Variants in SMG6 observed in about 807,000 individuals in gnomAD.
SMG6 encodes the protein SMG6 nonsense mediated mRNA decay factor.
A neutral mutation model predicts 142.2 loss-of-function variants in SMG6; 66 were observed. That is an observed-to-expected ratio of 0.46 (90% CI 0.38 to 0.57). The LOEUF is 0.57. SMG6 is among the 20% of genes least tolerant of loss of function. The pLI, the probability that SMG6 is intolerant of heterozygous loss-of-function variation, is 0.00. For missense variants in SMG6, 1,793 were observed against 1,832.0 expected, an observed-to-expected ratio of 0.98 and a Z score of 0.39; for synonymous variants, 779 against 702.4, an observed-to-expected ratio of 1.11 and a Z score of -1.72.
intron 13 of SMG6, among the ~76,000 whole-genome samples, chr17:2,133,569 A>G (rs913732410): frequency 6.6e-6 from 1 of 152,152 alleles, no homozygotes; most frequent in African/African-American, 2.4e-5. Context: ...CAGGGTCTCA[A>G]TATGTCACCC....
intron 13 of SMG6, among the ~76,000 whole-genome samples, chr17:2,153,959 T>G (rs1176230772): frequency 1.4e-4 from 16 of 115,834 alleles, no homozygotes; most frequent in South Asian, 3.0e-4. Flanking sequence ...TGACGGTGAC[T>G]GGGGAACCTG....
intron 10 of SMG6, among the ~76,000 whole-genome samples, chr17:2,190,713 G>T (rs1597562348): frequency 6.6e-6 from 1 of 151,430 alleles, no homozygotes; most frequent in Admixed American, 6.6e-5. Flanking sequence ...AAAGTGCTCA[G>T]CCACCTCCCA....
At chr17:2,150,376 G>C (rs920449085) in intron 13 of SMG6, among the ~76,000 whole-genome samples, 1 of 152,228 alleles carries the variant, frequency 6.6e-6, no homozygotes, top group Non-Finnish European at 1.5e-5. Flanking sequence ...CACCGGTCTA[G>C]AGTATCAAGG....
intron 13 of SMG6, among the ~76,000 whole-genome samples, chr17:2,140,775 T>C (rs138430659): frequency 2.4e-4 from 37 of 152,228 alleles, no homozygotes; most frequent in African/African-American, 7.9e-4. Context: ...AAAAAAGCCA[T>C]TGAAGCTGTC....
intron 13 of SMG6, chr17:2,087,300 T>C: frequency 8.0e-7 from 1 of 1,245,674 alleles, no homozygotes. Flanking sequence ...CCATGTTCTC[T>C]AAGACAGTGG....
At chr17:2,161,127 G>C (rs1220001190) in intron 13 of SMG6, among the ~76,000 whole-genome samples, 2 of 142,922 alleles carry the variant, frequency 1.4e-5, no homozygotes. Flanking sequence ...TTTTTTTAGA[G>C]ATGGAGTTTT....
intron 15 of SMG6, among the ~76,000 whole-genome samples, chr17:2,080,556 T>A (rs2068389206): frequency 6.6e-6 from 1 of 152,266 alleles, no homozygotes; most frequent in Non-Finnish European, 1.5e-5. Flanking sequence ...CCATGCACTA[T>A]GCTAAGTGCT....
intron 13 of SMG6, among the ~76,000 whole-genome samples, chr17:2,148,407 T>C (rs1183336559): frequency 6.6e-6 from 1 of 152,222 alleles, no homozygotes; most frequent in Non-Finnish European, 1.5e-5. Context: ...GATGTATGCA[T>C]ACAACAGAAT....
At chr17:2,295,482 G>A (rs568546219) in intron 4 of SMG6, among the ~76,000 whole-genome samples, 25 of 152,272 alleles carry the variant, frequency 1.6e-4, no homozygotes, top group African/African-American at 5.5e-4. Flanking sequence ...AATCTCTACT[G>A]CTTTATCTCT....
At chr17:2,208,083 C>T (rs746354040) in intron 10 of SMG6, among the ~76,000 whole-genome samples, 1 of 151,990 alleles carries the variant, frequency 6.6e-6, no homozygotes, top group Non-Finnish European at 1.5e-5. Flanking sequence ...GAGCAATGTT[C>T]GTGCCACCGC....
intron 10 of SMG6, among the ~76,000 whole-genome samples, chr17:2,205,813 AT>A (rs1426400008): frequency 1.3e-5 from 2 of 152,092 alleles, no homozygotes; most frequent in South Asian, 2.1e-4. Flanking sequence ...GTGTATATAT[AT>A]TTTTTTTCTT....
chr17:2,204,701 C>A (rs138287022), intron 10 of SMG6, among the ~76,000 whole-genome samples: 2 of 152,326 alleles, frequency 1.3e-5, no homozygotes, highest in East Asian at 3.9e-4. Context: ...TGGTGGCTCA[C>A]GCCTATAATT....
Position 2,298,968 on chromosome 17 carries a change from G to T in SMG6, c.1785C>A (p.Leu595=). ...TGCGGTCCCTGGAGAGCAGGTTGCT[G>T]AGCTGCAGTTCCTGGTTGTCAGCCA... ...LRVADNQELQ[L]SNLLSRDRIS... The change falls in exon 2 of 19, where the codon CTC becomes CTA. Residue 595 remains leucine (L), a synonymous_variant. Transcript: ENST00000263073. The T allele has an allele frequency of 1.9e-6, 3 of 1,614,184 alleles. No homozygotes were observed. Among genetic ancestry groups the T allele is most frequent in the Non-Finnish European group, 2.5e-6 (3 of 1,180,036 alleles).
intron 15 of SMG6, among the ~76,000 whole-genome samples, chr17:2,069,535 G>T (rs1323406428): frequency 6.6e-6 from 1 of 151,872 alleles, no homozygotes; most frequent in Non-Finnish European, 1.5e-5. Context: ...GGCGGAGGCT[G>T]CAGCGAGCCG....
At chr17:2,191,235 G>A (rs1278464886) in intron 10 of SMG6, among the ~76,000 whole-genome samples, 2 of 152,198 alleles carry the variant, frequency 1.3e-5, no homozygotes, top group African/African-American at 2.4e-5. Flanking sequence ...GGCTGCTCTT[G>A]GCCTCACGTA....
At chr17:2,065,840 G>A (rs1435218297) in intron 16 of SMG6, among the ~76,000 whole-genome samples, 161 bp from the exon 17 acceptor site, 1 of 152,212 alleles carries the variant, frequency 6.6e-6, no homozygotes, top group Admixed American at 6.5e-5. Flanking sequence ...AGCTTGTGGG[G>A]GCAAGAAGTG....
chr17:2,299,851 G>A lies in SMG6; in HGVS notation c.902C>T (p.Thr301Ile), dbSNP rs2075234336. The A allele has an allele frequency of 1.2e-6, 2 of 1,614,130 alleles. No homozygotes were observed. The highest frequency in any genetic ancestry group is 1.7e-6 in the Non-Finnish European group (2 of 1,179,978). ...RLKKQVSVSSTDSLDEDRIDE... is the reference protein window; with the variant it reads ...RLKKQVSVSSIDSLDEDRIDE... ...AATTCTGTCCTCGTCTAAGGAATCG[G>A]TTGAGGACACAGACACTTGCTTCTT... The change falls in exon 2 of 19, where the codon ACC becomes ATC. Residue 301 changes from threonine to isoleucine, a missense_variant. By Grantham distance (89) the Thr-to-Ile change is moderately conservative. Transcript: ENST00000263073. This position sits in a 1 kb window ranked among gnomAD's most constrained non-coding sequence, Gnocchi z 4.3.
At chr17:2,247,686 G>A (rs924921196) in intron 8 of SMG6, among the ~76,000 whole-genome samples, 1 of 152,128 alleles carries the variant, frequency 6.6e-6, no homozygotes, top group Non-Finnish European at 1.5e-5. Context: ...GAGAGGCTGA[G>A]GCAGGAAAAT....
intron 8 of SMG6, among the ~76,000 whole-genome samples, chr17:2,258,062 C>T (rs200298881): frequency 0.3 from 35,805 of 120,154 alleles, 7,254 homozygotes; most frequent in East Asian, 0.66. Flanking sequence ...CACACACACA[C>T]ACACATATAT....
Sources: gnomAD v4.1 joint callset for allele counts (sites outside exome capture counted in the v4.1 genomes callset) on GRCh38, gnomAD v4.1.1 for gene constraint, Gnocchi (gnomAD v3.1) non-coding constraint, MANE v1.5 for transcripts, NCBI Gene and HGNC (gene_info 2026-07-23, HGNC 2026-07-21) for gene names.